GAS7: variants seen among roughly 807,000 people sequenced by gnomAD.
GAS7 encodes the protein growth arrest specific 7, also known as growth arrest-specific protein 7.
GAS7 carries 28 observed loss-of-function variants against 71.1 expected under a neutral mutation model. That is an observed-to-expected ratio of 0.39 (90% CI 0.29 to 0.54). GAS7 has a LOEUF of 0.54. GAS7 is among the 20% of genes least tolerant of loss of function. GAS7 has a pLI of 0.62. For missense variants in GAS7, 436 were observed against 627.8 expected (o/e 0.69, Z 3.27); for synonymous variants, 258 against 245.8 (o/e 1.05, Z -0.46).
chr17:9,965,891 G>A (rs73273058), intron 4 of GAS7, among the ~76,000 whole-genome samples: 8,516 of 152,074 alleles, frequency 0.056, 786 homozygotes, highest in African/African-American at 0.19. Context: ...AGGAACTGTG[G>A]GGCACCCACT....
rs946356503 is a variant in GAS7 at position 9,912,639 on chromosome 17, A to G, written c.*4589T>C. 8.6e-6 allele frequency: 2 copies of G among 232,756 alleles called. No individual in the cohort carries two copies. The highest frequency in any genetic ancestry group is 4.4e-5 in the African/African-American group (2 of 45,308). 14.4% of individuals were successfully genotyped at this position (232,756 alleles called of 1,614,324 possible). On this transcript the variant is annotated 3_prime_UTR_variant, in exon 14 of 14. Coordinates refer to ENST00000432992, the MANE Select transcript of GAS7 (RefSeq NM_201433.2). ...CCGTCCCTTCCCCTCCCATCCCTGG[A>G]TTCTTTCTGCACTACCAAAAACCCA...
chr17:10,092,437 C>T (rs1463417100), intron 1 of GAS7, among the ~76,000 whole-genome samples: 1 of 152,192 alleles, frequency 6.6e-6, no homozygotes, highest in East Asian at 1.9e-4. Flanking sequence ...AAAATAGAGC[C>T]TGACACACAA....
chr17:10,156,115 C>G (rs2904906), intron 1 of GAS7, among the ~76,000 whole-genome samples: 115,416 of 152,234 alleles, frequency 0.76, 44,598 homozygotes, highest in African/African-American at 0.92. Context: ...CTTGCTCCAC[C>G]CATCCTTAGC....
intron 5 of GAS7, among the ~76,000 whole-genome samples, chr17:9,952,689 G>A (rs552415264): frequency 2.0e-5 from 3 of 152,062 alleles, no homozygotes; most frequent in East Asian, 3.9e-4. Flanking sequence ...CACCGCGCCC[G>A]GCCCAGACAC....
At chr17:10,190,968 A>G (rs11656057) in intron 1 of GAS7, among the ~76,000 whole-genome samples, 64,324 of 150,836 alleles carry the variant, frequency 0.43, 14,135 homozygotes, top group African/African-American at 0.53. Context: ...CTGAGGTGGG[A>G]AGTTCAAGAC....
intron 7 of GAS7, among the ~76,000 whole-genome samples, chr17:9,940,676 C>G (rs949198691): frequency 1.3e-5 from 2 of 152,198 alleles, no homozygotes; most frequent in African/African-American, 2.4e-5. Flanking sequence ...TCTCACACCC[C>G]CAATGCCTCT....
intron 7 of GAS7, among the ~76,000 whole-genome samples, chr17:9,942,071 G>A (rs1285584690): frequency 6.6e-6 from 1 of 152,100 alleles, no homozygotes; most frequent in Non-Finnish European, 1.5e-5. Flanking sequence ...TGGCCAACAT[G>A]GTGAAACCCC....
chr17:10,158,516 C>T (rs2074224202), intron 1 of GAS7, among the ~76,000 whole-genome samples: 2 of 151,830 alleles, frequency 1.3e-5, no homozygotes, highest in Admixed American at 6.6e-5. Flanking sequence ...ATGTGCATTA[C>T]ACTGTATGTA....
chr17:9,911,762 C>A lies in GAS7; in HGVS notation c.*5466G>T. 4.3e-6 allele frequency: 1 copy of A among 232,302 alleles called. No homozygotes were observed. The highest frequency in any genetic ancestry group is 2.2e-5 in the African/African-American group (1 of 45,378). The allele number at this position is 232,302 out of a possible 1,614,324, so 14.4% of individuals were successfully genotyped here. A position where few individuals can be genotyped will look rare whatever the true frequency, so the allele number is the denominator to read the frequency against. On this transcript the variant is annotated 3_prime_UTR_variant, in exon 14 of 14. Transcript: ENST00000432992. This position sits in a 1 kb window ranked among gnomAD's most constrained non-coding sequence, Gnocchi z 4.0. ...GCCCCGGGGGCTCAGGCTTCCTGGC[C>A]CTAATCTTCACCTGGCCTGGATCCA...
At chr17:10,165,182 C>T (rs1006218198) in intron 1 of GAS7, among the ~76,000 whole-genome samples, 11 of 150,194 alleles carry the variant, frequency 7.3e-5, no homozygotes, top group Non-Finnish European at 1.5e-4. Context: ...GTCCCAGCTA[C>T]TCGGGACCCT....
intron 1 of GAS7, among the ~76,000 whole-genome samples, chr17:10,071,939 GA>G (rs57043066): frequency 3.4e-4 from 41 of 121,236 alleles, no homozygotes; most frequent in Non-Finnish European, 4.4e-4. Flanking sequence ...TCCATCTCAA[GA>G]AAAAAAAAAA....
rs762410053 is a variant in GAS7, at chr17:9,919,969, T to TTTTGTGTG, written c.1139-265_1139-264insCACACAAA. On this transcript the variant is annotated intron_variant, in intron 11 of 13. Coordinates refer to ENST00000432992, the MANE Select transcript of GAS7 (RefSeq NM_201433.2). This position sits in a 1 kb window ranked among gnomAD's most constrained non-coding sequence, Gnocchi z 5.0. ...AGGATTCAGGATGGTGGTTCTCATT[T>TTTTGTGTG]TGTGTGTGTGTGTGTGTGTGTGTGT... is the stretch of plus-strand genomic sequence containing the variant. Among the ~76,000 whole-genome samples, 2 of 131,498 alleles carry TTTTGTGTG rather than the reference T, an allele frequency of 1.5e-5. No homozygotes were observed. The highest frequency in any genetic ancestry group is 2.4e-4 in the East Asian group (1 of 4,254). The allele number at this position is 131,498 out of a possible 152,430, so 86.3% of individuals were successfully genotyped here.
chr17:10,160,936 C>A (rs1404911560), intron 1 of GAS7, among the ~76,000 whole-genome samples: 1 of 93,756 alleles, frequency 1.1e-5, no homozygotes, highest in South Asian at 3.6e-4. Flanking sequence ...GAAATTGAAA[C>A]CATACACACA....
At chr17:10,173,033 C>T (rs2074346700) in intron 1 of GAS7, among the ~76,000 whole-genome samples, 1 of 152,232 alleles carries the variant, frequency 6.6e-6, no homozygotes, top group Admixed American at 6.5e-5. Context: ...CGTCACTACG[C>T]AAATGAACCC....
intron 1 of GAS7, among the ~76,000 whole-genome samples, chr17:10,121,526 C>T (rs909484733): frequency 6.6e-6 from 1 of 152,116 alleles, no homozygotes; most frequent in African/African-American, 2.4e-5. Context: ...GTCAAACAGG[C>T]ATAAGAATAC....
chr17:10,197,365 C>T (rs1309532027), intron 1 of GAS7, among the ~76,000 whole-genome samples: 2 of 151,818 alleles, frequency 1.3e-5, no homozygotes, highest in Non-Finnish European at 2.9e-5. Context: ...ATCCTGGGGG[C>T]AGGCGGGCTT....
chr17:10,010,606 C>A (rs368159168), intron 2 of GAS7, among the ~76,000 whole-genome samples: 34 of 152,320 alleles, frequency 2.2e-4, no homozygotes, highest in African/African-American at 7.2e-4. Context: ...TTGTAACTTG[C>A]AAATATTGTA....
chr17:10,167,044 C>CTT lies in GAS7; in HGVS notation c.183+31162_183+31163dup, dbSNP rs1164151104. Among the ~76,000 whole-genome samples the CTT allele has an allele frequency of 2.9e-3, 170 of 58,804 alleles. 28 individuals carry two copies. Among genetic ancestry groups the CTT allele is most frequent in the African/African-American group, 0.013 (154 of 12,286 alleles). 38.6% of individuals were successfully genotyped at this position (58,804 alleles called of 152,430 possible). ...AAACCAATCTACTATTTCCATTTGT[C>CTT]TTTTTTTTTTTTTTTTTTTTTTTTT... On this transcript the variant is annotated intron_variant, in intron 1 of 13. Transcript: ENST00000432992.
intron 1 of GAS7, among the ~76,000 whole-genome samples, chr17:10,090,411 T>C (rs2073569520): frequency 6.6e-6 from 1 of 152,190 alleles, no homozygotes; most frequent in Non-Finnish European, 1.5e-5. Flanking sequence ...TTTGTCCTGA[T>C]TTATACACAA....
Sources: gnomAD v4.1 joint callset for allele counts (sites outside exome capture counted in the v4.1 genomes callset) on GRCh38, gnomAD v4.1.1 for gene constraint, Gnocchi (gnomAD v3.1) non-coding constraint, MANE v1.5 for transcripts, NCBI Gene and HGNC (gene_info 2026-07-23, HGNC 2026-07-21) for gene names.